The following PALM2AKAP2 variants were observed in gnomAD, a reference collection of about 807,000 sequenced individuals.
PALM2AKAP2 encodes the protein PALM2-AKAP2 fusion protein.
In PALM2AKAP2, 37 loss-of-function variants were observed where a neutral mutation model predicts 71.5. The observed-to-expected ratio is 0.52, with a 90% CI of 0.40 to 0.68. The LOEUF is 0.68. PALM2AKAP2 is among the 30% of genes least tolerant of loss of function. The probability of loss-of-function intolerance (pLI) is 0.00; values close to 1 mark genes in which losing one functional copy is unlikely to be tolerated. For synonymous variants in PALM2AKAP2, 468 were observed against 478.8 expected, an observed-to-expected ratio of 0.98 and a Z score of 0.29; for missense variants, 1,224 against 1,191.8, an observed-to-expected ratio of 1.03 and a Z score of -0.40.
intron 1 of PALM2AKAP2, among the ~76,000 whole-genome samples, chr9:110,083,911 G>A (rs1463756354): frequency 1.3e-5 from 2 of 152,212 alleles, no homozygotes; most frequent in Non-Finnish European, 2.9e-5. Context: ...ACTGAGATGA[G>A]GGAGTAAACC....
intron 1 of PALM2AKAP2, among the ~76,000 whole-genome samples, chr9:109,801,104 G>A (rs181682740): frequency 3.3e-5 from 5 of 152,224 alleles, no homozygotes; most frequent in Admixed American, 6.5e-5. Context: ...AGATTTGGGG[G>A]TTGCATACAT....
intron 1 of PALM2AKAP2, among the ~76,000 whole-genome samples, chr9:109,757,053 A>G (rs1339657502): frequency 6.6e-6 from 1 of 152,098 alleles, no homozygotes; most frequent in Admixed American, 6.6e-5. Flanking sequence ...GCTATTGAAC[A>G]TAACGTGTTC....
intron 6 of PALM2AKAP2, chr9:109,943,479 T>C (rs1588024971): frequency 6.5e-7 from 1 of 1,535,336 alleles, no homozygotes; most frequent in East Asian, 2.2e-5. Flanking sequence ...ACCACTCACG[T>C]AGACCTCACT....
intron 6 of PALM2AKAP2, among the ~76,000 whole-genome samples, chr9:109,937,027 C>T (rs911984818): frequency 5.3e-5 from 8 of 152,174 alleles, no homozygotes; most frequent in African/African-American, 1.9e-4. Flanking sequence ...TTGCTCTTCC[C>T]GCCTTGCTTG....
rs189569285 is a variant in PALM2AKAP2 at position 109,853,362 on chromosome 9, G to A, written c.46-14129G>A. Among the ~76,000 whole-genome samples the A allele has an allele frequency of 5.2e-4, 79 of 152,260 alleles. 1 individual carries two copies. The highest frequency in any genetic ancestry group is 1.7e-3 in the African/African-American group (72 of 41,548). ...AAAACCTTTGGCATTTCAGTGTATA[G>A]CTTTCCAATCTTTTCCATAACTGTA... On this transcript the variant is annotated intron_variant, in intron 1 of 9. Coordinates refer to the PALM2AKAP2 transcript ENST00000302798.
chr9:109,946,905 ATT>A (rs1253684900), intron 6 of PALM2AKAP2, among the ~76,000 whole-genome samples: 1 of 152,050 alleles, frequency 6.6e-6, no homozygotes, highest in African/African-American at 2.4e-5. Context: ...TCTTAAAAAT[ATT>A]TTCTTTCTTT....
intron 1 of PALM2AKAP2, among the ~76,000 whole-genome samples, chr9:110,112,430 C>A (rs1314419978): frequency 6.6e-6 from 1 of 152,164 alleles, no homozygotes; most frequent in Admixed American, 6.5e-5. Context: ...AGCCCTATTT[C>A]ACAGAGTTGC....
At chr9:110,121,980 C>G (rs913888753) in intron 1 of PALM2AKAP2, among the ~76,000 whole-genome samples, 1 of 152,220 alleles carries the variant, frequency 6.6e-6, no homozygotes, top group African/African-American at 2.4e-5. Context: ...GACCAGAAAA[C>G]TAAGACCTAG....
chr9:109,937,130 G>C (rs544019763), intron 6 of PALM2AKAP2, among the ~76,000 whole-genome samples: 9 of 152,262 alleles, frequency 5.9e-5, no homozygotes, highest in Admixed American at 5.9e-4. Context: ...GGCAACACAG[G>C]CATGTGTAGA....
At chr9:109,780,403 C>A, upstream of PALM2AKAP2, 1 of 1,610,654 alleles carries the variant, frequency 6.2e-7, no homozygotes, top group East Asian at 2.2e-5. Flanking sequence ...TAGCAAAGCC[C>A]CCCGGGGTGC....
chr9:109,973,765 A>G (rs866152613), intron 6 of PALM2AKAP2, among the ~76,000 whole-genome samples: 6 of 152,208 alleles, frequency 3.9e-5, no homozygotes, highest in Non-Finnish European at 7.3e-5. Flanking sequence ...TACAGAGTGG[A>G]AAATTGAGGT....
intron 6 of PALM2AKAP2, chr9:109,943,652 T>G: frequency 7.4e-6 from 4 of 543,950 alleles, no homozygotes; most frequent in Non-Finnish European, 1.3e-5. Flanking sequence ...TCTAAACCTT[T>G]CCTTGTGTCT....
intron 3 of PALM2AKAP2, among the ~76,000 whole-genome samples, chr9:109,899,628 G>A (rs2095094): frequency 0.84 from 127,476 of 152,230 alleles, 53,734 homozygotes; most frequent in African/African-American, 0.93. Context: ...CTTTTATGAT[G>A]TGACCTCCTC....
chr9:110,051,972 G>C (rs1230081451), intron 1 of PALM2AKAP2, among the ~76,000 whole-genome samples: 1 of 151,148 alleles, frequency 6.6e-6, no homozygotes, highest in Non-Finnish European at 1.5e-5. Flanking sequence ...GCGCGATCTC[G>C]GCTCACTGCA....
intron 6 of PALM2AKAP2, among the ~76,000 whole-genome samples, chr9:109,940,280 T>A (rs1430698521): frequency 6.6e-6 from 1 of 152,156 alleles, no homozygotes; most frequent in African/African-American, 2.4e-5. Flanking sequence ...ATTATACAAC[T>A]GAGTGGTAAT....
At chr9:109,832,540 G>A (rs1457737801) in intron 1 of PALM2AKAP2, among the ~76,000 whole-genome samples, 1 of 152,210 alleles carries the variant, frequency 6.6e-6, no homozygotes, top group African/African-American at 2.4e-5. Flanking sequence ...AATAATCTGA[G>A]GTTGGTTGCT....
chr9:109,691,723 A>G (rs1244064293), intron 1 of PALM2AKAP2, among the ~76,000 whole-genome samples: 1 of 150,214 alleles, frequency 6.7e-6, no homozygotes, highest in African/African-American at 2.4e-5. Flanking sequence ...TATTATGGTA[A>G]GCCTGCCCCC....
At chr9:109,923,617 G>A (rs971885891) in intron 3 of PALM2AKAP2, 118 bp from the exon 4 acceptor site, 39 of 1,098,358 alleles carry the variant, frequency 3.6e-5, no homozygotes, top group Middle Eastern at 4.7e-4. Context: ...GCTCCTCAGC[G>A]TAATGTAAAA....
chr9:110,080,138 T>C (rs1834417327), intron 1 of PALM2AKAP2, among the ~76,000 whole-genome samples: 1 of 151,924 alleles, frequency 6.6e-6, no homozygotes, highest in Non-Finnish European at 1.5e-5. Context: ...ACTTTGTTCT[T>C]TCTCTTCATC....
Sources: allele counts gnomAD v4.1 joint callset (sites outside exome capture counted in the v4.1 genomes callset), GRCh38; gene constraint gnomAD v4.1.1; transcripts MANE v1.5; gene names NCBI Gene and HGNC (gene_info 2026-07-23, HGNC 2026-07-21).